SLC6A4: variants seen among roughly 807,000 people sequenced by gnomAD.
SLC6A4 encodes the protein solute carrier family 6 member 4, also known as sodium-dependent serotonin transporter.
Under a neutral mutation model 73.4 loss-of-function variants are expected in SLC6A4, and 22 were observed. That is an observed-to-expected ratio of 0.30 (90% confidence interval 0.21 to 0.43). SLC6A4 has a LOEUF of 0.43. Ranked by LOEUF, SLC6A4 falls within the 20% of genes least tolerant of loss-of-function variation. The probability of loss-of-function intolerance (pLI) is 1.00; values close to 1 mark genes in which losing one functional copy is unlikely to be tolerated. For synonymous variants in SLC6A4, 270 were observed against 315.5 expected (o/e 0.86, Z 1.53); for missense variants, 593 against 808.5 (o/e 0.73, Z 3.23).
intron 3 of SLC6A4, among the ~76,000 whole-genome samples, chr17:30,221,366 T>A (rs1049795565): frequency 3.9e-5 from 6 of 152,078 alleles, no homozygotes; most frequent in African/African-American, 1.4e-4. Context: ...ATCTGTCTTC[T>A]GGCCTCTCAA....
At chr17:30,214,436 A>AAAG (rs1567818754) in intron 8 of SLC6A4, among the ~76,000 whole-genome samples, 1 of 150,292 alleles carries the variant, frequency 6.7e-6, no homozygotes, top group South Asian at 2.1e-4. Flanking sequence ...AAAAAAAAAA[A>AAAG]AAAAAGAAAA....
rs980714705 is a variant in SLC6A4, at chr17:30,207,724, C to A, written c.1650+8G>T. ...AGGGCAAGGAGGAGAAGGGAAATGGCAACTCACCAGGAGAAACAGAGGGCT... is the reference window on the plus strand; with the variant it reads ...AGGGCAAGGAGGAGAAGGGAAATGGAAACTCACCAGGAGAAACAGAGGGCT... On this transcript the variant is annotated splice_region_variant and intron_variant, in intron 13 of 14. Coordinates refer to ENST00000650711, the MANE Select transcript of SLC6A4 (RefSeq NM_001045.6). The A allele has an allele frequency of 8.8e-6, 14 of 1,585,050 alleles. No individual in the cohort carries two copies. Among genetic ancestry groups the A allele is most frequent in the Non-Finnish European group, 1.2e-5 (14 of 1,153,418 alleles).
intron 1 of SLC6A4, among the ~76,000 whole-genome samples, chr17:30,228,016 G>C (rs1214454541): frequency 6.6e-6 from 1 of 152,166 alleles, no homozygotes; most frequent in Non-Finnish European, 1.5e-5. Flanking sequence ...TATTTATTTT[G>C]ACTTTACTAG....
At chr17:30,231,346 AGG>A (rs1907109158) in intron 1 of SLC6A4, among the ~76,000 whole-genome samples, 1 of 151,156 alleles carries the variant, frequency 6.6e-6, no homozygotes, top group African/African-American at 2.4e-5. Context: ...ATATATCTGT[AGG>A]TATACATACA....
chr17:30,214,021 A>G (rs971615048), intron 8 of SLC6A4, among the ~76,000 whole-genome samples: 1 of 152,200 alleles, frequency 6.6e-6, no homozygotes, highest in African/African-American at 2.4e-5. Flanking sequence ...GGCTAAGATT[A>G]CAGGTTTGAG....
intron 13 of SLC6A4, among the ~76,000 whole-genome samples, chr17:30,206,800 C>T (rs1376705060): frequency 7.0e-6 from 1 of 142,488 alleles, no homozygotes; most frequent in Non-Finnish European, 1.5e-5. Context: ...CTCACTGCAA[C>T]CTCCGCCTCC....
intron 1 of SLC6A4, among the ~76,000 whole-genome samples, chr17:30,227,621 G>T (rs192803630): frequency 2.5e-4 from 38 of 152,242 alleles, no homozygotes; most frequent in African/African-American, 7.0e-4. Flanking sequence ...GAGTAGCTGA[G>T]ATTACAGGTG....
At position 30,217,959 on chromosome 17, in the gene SLC6A4, A is replaced by G. The variant is rs768944362; in HGVS notation, c.698+159T>C. On this transcript the variant is annotated intron_variant, in intron 5 of 14. Coordinates refer to ENST00000650711, the MANE Select transcript of SLC6A4 (RefSeq NM_001045.6). ...GGCCAGGCCGTGGAGCACTTGAGGTAGAGTTTCCCAGCTCCAAATTCTGCT... is the reference window on the plus strand; with the variant it reads ...GGCCAGGCCGTGGAGCACTTGAGGTGGAGTTTCCCAGCTCCAAATTCTGCT... Among the ~76,000 whole-genome samples, 4 of 152,288 alleles carry G rather than the reference A, an allele frequency of 2.6e-5. 1 individual carries two copies. The South Asian group carries it at 6.2e-4, about 24-fold the overall frequency.
intron 6 of SLC6A4, 33 bp downstream of exon 6, chr17:30,217,133 C>A: frequency 1.9e-6 from 3 of 1,602,068 alleles, no homozygotes; most frequent in Non-Finnish European, 1.7e-6. Context: ...GGCCCCTGGG[C>A]AGGCCTGGGT....
chr17:30,207,878 T>G (rs781669565), intron 12 of SLC6A4, 46 bp from the exon 13 acceptor site: 8 of 1,376,036 alleles, frequency 5.8e-6, no homozygotes, highest in Non-Finnish European at 8.2e-6. Flanking sequence ...AGAAAGGACA[T>G]GGGCTGTGCT....
At position 30,218,267 on chromosome 17, in the gene SLC6A4, C is replaced by T. The variant is rs939205170; in HGVS notation, c.549G>A (p.Ala183=). 1.3e-5 allele frequency: 21 copies of T among 1,614,062 alleles called. No homozygotes were observed. The highest frequency in any genetic ancestry group is 4.5e-5 in the East Asian group (2 of 44,896). ...TGAAGGAGGAGATGAGGTAGTATAG[C>T]GCCCAGGCCATGATGGTGTTGTAGT... ...ASYYNTIMAW[A]LYYLISSFTD... is the part of the protein sequence containing the mutation. Residue 183 remains alanine (A), a synonymous_variant, in exon 5 of 15, where the codon GCG becomes GCA. Transcript: ENST00000650711.
chr17:30,227,557 C>T (rs1380779499), intron 1 of SLC6A4, among the ~76,000 whole-genome samples: 1 of 152,106 alleles, frequency 6.6e-6, no homozygotes, highest in African/African-American at 2.4e-5. Flanking sequence ...ATGATCATGG[C>T]TCTCTGCAGC....
chr17:30,214,025 G>C (rs982967300), intron 8 of SLC6A4, among the ~76,000 whole-genome samples: 2 of 152,166 alleles, frequency 1.3e-5, no homozygotes, highest in African/African-American at 4.8e-5. Context: ...AAGATTACAG[G>C]TTTGAGCAAC....
chr17:30,200,970 CG>C (rs1555586456), intron 14 of SLC6A4, among the ~76,000 whole-genome samples: 1 of 151,924 alleles, frequency 6.6e-6, no homozygotes, highest in South Asian at 2.1e-4. Flanking sequence ...TTAGTAGAGA[CG>C]GGGGTTTCAC....
chr17:30,213,088 T>C (rs1906439436), intron 8 of SLC6A4, among the ~76,000 whole-genome samples: 1 of 152,110 alleles, frequency 6.6e-6, no homozygotes, highest in Non-Finnish European at 1.5e-5. Context: ...CCACACATGG[T>C]GGAGGGAGAA....
chr17:30,202,214 G>A (rs1418818733), intron 14 of SLC6A4, among the ~76,000 whole-genome samples: 2 of 152,138 alleles, frequency 1.3e-5, no homozygotes, highest in Non-Finnish European at 2.9e-5. Context: ...TCTCAAATTA[G>A]CCCACCTCCG....
intron 11 of SLC6A4, 75 bp downstream of exon 11, chr17:30,210,440 G>A: frequency 6.0e-6 from 9 of 1,493,662 alleles, no homozygotes; most frequent in Non-Finnish European, 8.2e-6. Context: ...TGAGATGGAA[G>A]GAGACGAACA....
At chr17:30,202,359 A>G (rs959058313) in intron 14 of SLC6A4, among the ~76,000 whole-genome samples, 1 of 152,184 alleles carries the variant, frequency 6.6e-6, no homozygotes, top group Non-Finnish European at 1.5e-5. Flanking sequence ...TCCTGACCTC[A>G]GGTGATCCAC....
At chr17:30,217,957 G>T (rs1042628759) in intron 5 of SLC6A4, among the ~76,000 whole-genome samples, 161 bp downstream of exon 5, 4 of 152,174 alleles carry the variant, frequency 2.6e-5, no homozygotes, top group African/African-American at 9.7e-5. Flanking sequence ...AGCACTTGAG[G>T]TAGAGTTTCC....
Sources: allele counts gnomAD v4.1 joint callset (sites outside exome capture counted in the v4.1 genomes callset), GRCh38; gene constraint gnomAD v4.1.1; transcripts MANE v1.5; gene names NCBI Gene and HGNC (gene_info 2026-07-23, HGNC 2026-07-21).